INPP4A: variants seen among roughly 807,000 people sequenced by gnomAD.
INPP4A encodes the protein inositol polyphosphate-4-phosphatase type I A.
A neutral mutation model predicts 119.8 loss-of-function variants in INPP4A; 33 were observed. The observed-to-expected ratio is 0.28, with a 90% CI of 0.21 to 0.37. The LOEUF (loss-of-function observed/expected upper bound fraction) is 0.37, where lower values mean the gene tolerates loss of function less well. INPP4A is among the 10% of genes least tolerant of loss of function. The pLI, the probability that INPP4A is intolerant of heterozygous loss-of-function variation, is 1.00. For missense variants in INPP4A, 956 were observed against 1,289.9 expected, an observed-to-expected ratio of 0.74 and a Z score of 3.97; for synonymous variants, 496 against 500.7, an observed-to-expected ratio of 0.99 and a Z score of 0.12.
intron 1 of INPP4A, among the ~76,000 whole-genome samples, chr2:98,461,657 A>G (rs1259221107): frequency 6.6e-6 from 1 of 152,226 alleles, no homozygotes; most frequent in Non-Finnish European, 1.5e-5. Flanking sequence ...CCCTTAAGAC[A>G]CCAATGCCAT....
chr2:98,478,377 G>A (rs1677693815), intron 1 of INPP4A, among the ~76,000 whole-genome samples: 2 of 152,158 alleles, frequency 1.3e-5, no homozygotes, highest in South Asian at 4.1e-4. Context: ...CTTTTACAAG[G>A]CTCTGTTCCT....
intron 10 of INPP4A, among the ~76,000 whole-genome samples, chr2:98,540,188 T>C (rs1268674641): frequency 1.3e-5 from 2 of 152,228 alleles, no homozygotes; most frequent in African/African-American, 4.8e-5. Flanking sequence ...CACCTCGGCC[T>C]CCCAAAGTGC....
intron 10 of INPP4A, among the ~76,000 whole-genome samples, chr2:98,542,293 T>TTAAA (rs1691619679): frequency 6.6e-6 from 1 of 152,236 alleles, no homozygotes; most frequent in East Asian, 1.9e-4. Flanking sequence ...TCCTTTTATA[T>TTAAA]TAATTTTGCT....
intron 1 of INPP4A, among the ~76,000 whole-genome samples, chr2:98,511,287 T>A (rs1685085164): frequency 6.6e-6 from 1 of 152,224 alleles, no homozygotes; most frequent in Non-Finnish European, 1.5e-5. Context: ...CTCGATCTCC[T>A]GACCTTGTGA....
At chr2:98,497,608 G>T (rs1345870456) in intron 1 of INPP4A, among the ~76,000 whole-genome samples, 1 of 152,236 alleles carries the variant, frequency 6.6e-6, no homozygotes, top group Non-Finnish European at 1.5e-5. Flanking sequence ...TTTGTTTTCT[G>T]CAGTTGAGTT....
At chr2:98,568,905 C>T (rs1696954867) in intron 22 of INPP4A, 1 of 467,472 alleles carries the variant, frequency 2.1e-6, no homozygotes, top group Non-Finnish European at 3.9e-6. Context: ...GGCTCCTTCC[C>T]ATGCTGTCGT....
intron 2 of INPP4A, chr2:98,519,679 A>G (rs1686811394): frequency 4.9e-6 from 1 of 204,976 alleles, no homozygotes; most frequent in African/African-American, 2.3e-5. Flanking sequence ...TTATAATTAT[A>G]TGAAAACCAT....
chr2:98,503,448 G>T (rs1042531136), intron 1 of INPP4A, among the ~76,000 whole-genome samples: 1 of 152,190 alleles, frequency 6.6e-6, no homozygotes, highest in African/African-American at 2.4e-5. Context: ...GGATGCACCT[G>T]TGCCTGTTCC....
chr2:98,543,162 T>C (rs557473647), intron 10 of INPP4A, among the ~76,000 whole-genome samples: 1 of 152,164 alleles, frequency 6.6e-6, no homozygotes, highest in Non-Finnish European at 1.5e-5. Context: ...CTCTCTTACA[T>C]AGACACGGAA....
At position 98,587,723 on chromosome 2, in the gene INPP4A, T is replaced by TA. The variant is rs201247772; in HGVS notation, c.*123dup. 15,602 of 904,712 alleles carry TA rather than the reference T, an allele frequency of 0.017. 199 individuals are homozygous for TA. The highest frequency in any genetic ancestry group is 0.019 in the Non-Finnish European group (11,439 of 612,832). The allele number at this position is 904,712 out of a possible 1,614,324, so 56.0% of individuals were successfully genotyped here. The stretch of plus-strand genomic sequence containing the variant: ...TGGTTTTTATTTTTTGTGGTTTTTT[T>TA]AAAAAAAACATTTCACTAAAGAGTC... On this transcript the variant is annotated 3_prime_UTR_variant, in exon 25 of 25. Coordinates refer to ENST00000409851, the MANE Select transcript of INPP4A (RefSeq NM_001134225.2).
At chr2:98,520,756 G>T in intron 4 of INPP4A, 25 bp downstream of exon 4, 1 of 1,325,014 alleles carries the variant, frequency 7.5e-7, no homozygotes, top group Admixed American at 2.3e-5. Context: ...TTATTTTTTT[G>T]TTTTAAAAAA....
intron 1 of INPP4A, among the ~76,000 whole-genome samples, chr2:98,516,620 G>T (rs142642341): frequency 3.3e-5 from 5 of 152,266 alleles, no homozygotes; most frequent in Non-Finnish European, 7.4e-5. Context: ...AACAGGCTGA[G>T]CAGGGCAGCA....
At chr2:98,468,327 C>G (rs187295997) in intron 1 of INPP4A, among the ~76,000 whole-genome samples, 1 of 152,316 alleles carries the variant, frequency 6.6e-6, no homozygotes, top group African/African-American at 2.4e-5. Flanking sequence ...CCTTGAACTC[C>G]TGGACTTAAG....
intron 23 of INPP4A, among the ~76,000 whole-genome samples, chr2:98,573,237 C>T (rs1697799604): frequency 6.6e-6 from 1 of 152,214 alleles, no homozygotes; most frequent in African/African-American, 2.4e-5. Context: ...CTGTCTACTG[C>T]ATCATTTAAT....
At chr2:98,464,982 T>A (rs1674445255) in intron 1 of INPP4A, among the ~76,000 whole-genome samples, 2 of 152,202 alleles carry the variant, frequency 1.3e-5, no homozygotes, top group African/African-American at 4.8e-5. Flanking sequence ...GATGGGTTGG[T>A]GGCCCAGGGA....
intron 10 of INPP4A, 116 bp downstream of exon 10, chr2:98,539,791 T>C: frequency 9.8e-7 from 1 of 1,022,262 alleles, no homozygotes; most frequent in Non-Finnish European, 1.4e-6. Flanking sequence ...AAACACAGCC[T>C]CTCCCCCTGC....
chr2:98,586,832 A>G (rs889268707), intron 24 of INPP4A, among the ~76,000 whole-genome samples: 1 of 152,192 alleles, frequency 6.6e-6, no homozygotes, highest in Non-Finnish European at 1.5e-5. Flanking sequence ...CTGCTACCAG[A>G]ACTTGGTGAG....
intron 23 of INPP4A, among the ~76,000 whole-genome samples, chr2:98,574,880 CAGTCCATCA>C (rs931153872): frequency 1.3e-5 from 2 of 152,160 alleles, no homozygotes; most frequent in Non-Finnish European, 2.9e-5. Flanking sequence ...AACAGAAAAG[CAGTCCATCA>C]AGTCCTGTAT....
chr2:98,530,014 AG>A (rs981911275), intron 4 of INPP4A, among the ~76,000 whole-genome samples: 13 of 152,138 alleles, frequency 8.5e-5, no homozygotes, highest in African/African-American at 3.1e-4. Context: ...AGCTGGAAAG[AG>A]GAGTAGCAGC....
Sources: allele counts gnomAD v4.1 joint callset (sites outside exome capture counted in the v4.1 genomes callset), GRCh38; gene constraint gnomAD v4.1.1; transcripts MANE v1.5; gene names NCBI Gene and HGNC (gene_info 2026-07-23, HGNC 2026-07-21).